The following CCSER2 variants were observed in gnomAD, a reference collection of about 807,000 sequenced individuals.
CCSER2 encodes the protein coiled-coil serine rich protein 2.
In CCSER2, 46 loss-of-function variants were observed where a neutral mutation model predicts 92.3. The observed-to-expected ratio is 0.50, with a 90% CI of 0.39 to 0.64. The LOEUF is 0.64. CCSER2 is among the 30% of genes least tolerant of loss of function. The pLI is 0.00. For missense variants in CCSER2, 1,244 were observed against 1,238.9 expected (o/e 1.00, Z -0.06); for synonymous variants, 433 against 431.4 (o/e 1.00, Z -0.04).
intron 6 of CCSER2, among the ~76,000 whole-genome samples, chr10:84,450,933 A>G (rs1845243846): frequency 6.6e-6 from 1 of 152,216 alleles, no homozygotes; most frequent in Non-Finnish European, 1.5e-5. Flanking sequence ...AGATTGTACA[A>G]AATACAATTT....
At chr10:84,367,461 C>G (rs980722883) in intron 1 of CCSER2, among the ~76,000 whole-genome samples, 1 of 151,866 alleles carries the variant, frequency 6.6e-6, no homozygotes, top group African/African-American at 2.4e-5. Context: ...ACTGCAGCCT[C>G]AACCTCGTGG....
At chr10:84,443,085 G>A (rs1844675758) in intron 6 of CCSER2, among the ~76,000 whole-genome samples, 1 of 152,062 alleles carries the variant, frequency 6.6e-6, no homozygotes, top group Non-Finnish European at 1.5e-5. Flanking sequence ...ACATAGACAT[G>A]GGCAAAGACA....
At chr10:84,352,148 A>C (rs562733441) in intron 1 of CCSER2, among the ~76,000 whole-genome samples, 1 of 152,012 alleles carries the variant, frequency 6.6e-6, no homozygotes, top group Non-Finnish European at 1.5e-5. Flanking sequence ...AAAATATAAA[A>C]AAAAAATTAG....
intron 3 of CCSER2, among the ~76,000 whole-genome samples, chr10:84,410,693 A>T (rs906638971): frequency 2.0e-5 from 3 of 152,020 alleles, no homozygotes; most frequent in African/African-American, 7.2e-5. Context: ...GATTGCAAAA[A>T]TTTTTCTCCC....
At chr10:84,455,500 T>C in intron 6 of CCSER2, 1 of 322,974 alleles carries the variant, frequency 3.1e-6, no homozygotes, top group Non-Finnish European at 5.9e-6. Flanking sequence ...GGTCTCAAAC[T>C]CCTGACCTCA....
chr10:84,509,535 A>T (rs1849241571), intron 9 of CCSER2, among the ~76,000 whole-genome samples: 1 of 152,260 alleles, frequency 6.6e-6, no homozygotes, highest in South Asian at 2.1e-4. Flanking sequence ...ACATTATTGA[A>T]CTTGACGCAT....
intron 3 of CCSER2, among the ~76,000 whole-genome samples, chr10:84,394,385 ATGTGTG>A (rs60891669): frequency 0.052 from 6,944 of 132,594 alleles, 183 homozygotes; most frequent in African/African-American, 0.085. Context: ...AAAGGAAAGT[ATGTGTG>A]TGTGTGTGTG....
At position 84,457,316 on chromosome 10, in the gene CCSER2, AT is replaced by A. The variant is rs1845754210; in HGVS notation, c.2065-6616del. Reference sequence around the variant, plus strand: ...TATTATATATAATATGTTATATATAATATATTATATATAATATATTATATAT... The same window carrying A: ...TATTATATATAATATGTTATATATAAATATTATATATAATATATTATATAT... On this transcript the variant is annotated intron_variant, in intron 6 of 9. Transcript: ENST00000372088. Among the ~76,000 whole-genome samples, 8 of 72,042 alleles carry A rather than the reference AT, an allele frequency of 1.1e-4. 1 individual carries two copies. Among genetic ancestry groups the A allele is most frequent in the South Asian group, 3.6e-4 (1 of 2,770 alleles). The allele number at this position is 72,042 out of a possible 152,430, so 47.3% of individuals were successfully genotyped here.
At chr10:84,389,895 T>C (rs1039612290) in intron 3 of CCSER2, among the ~76,000 whole-genome samples, 5 of 152,136 alleles carry the variant, frequency 3.3e-5, no homozygotes, top group Non-Finnish European at 7.3e-5. Flanking sequence ...GATGTTTTAG[T>C]CTCATCTTTC....
At chr10:84,368,627 C>G (rs1171033566) in intron 1 of CCSER2, among the ~76,000 whole-genome samples, 1 of 152,010 alleles carries the variant, frequency 6.6e-6, no homozygotes, top group Non-Finnish European at 1.5e-5. Context: ...CGAATGTCTT[C>G]TAGCTTTTAT....
At chr10:84,466,942 T>C (rs1448635303) in intron 7 of CCSER2, among the ~76,000 whole-genome samples, 1 of 152,222 alleles carries the variant, frequency 6.6e-6, no homozygotes, top group Non-Finnish European at 1.5e-5. Flanking sequence ...CTTCTGCTGT[T>C]GCTTAAGGAC....
chr10:84,499,785 A>C, intron 9 of CCSER2: 3 of 1,302,472 alleles, frequency 2.3e-6, no homozygotes, highest in Non-Finnish European at 3.3e-6. Flanking sequence ...GCTCTGTGTT[A>C]TTTAAAAGTA....
intron 1 of CCSER2, among the ~76,000 whole-genome samples, chr10:84,355,893 A>G (rs1045226766): frequency 1.3e-5 from 2 of 152,182 alleles, no homozygotes; most frequent in Non-Finnish European, 2.9e-5. Flanking sequence ...ACCTGAGGTC[A>G]GGAGTTTGAG....
intron 3 of CCSER2, among the ~76,000 whole-genome samples, chr10:84,410,546 C>A (rs1308378222): frequency 6.6e-6 from 1 of 152,260 alleles, no homozygotes; most frequent in African/African-American, 2.4e-5. Context: ...TCTTTGTTGG[C>A]TGCATGTATG....
In CCSER2 at chr10:84,434,846, T is replaced by C. The variant is rs114640665; in HGVS notation, c.1869-3666T>C. Among the ~76,000 whole-genome samples the C allele has an allele frequency of 3.0e-3, 462 of 152,298 alleles. 5 individuals carry two copies. Among genetic ancestry groups the C allele is most frequent in the African/African-American group, 0.011 (440 of 41,574 alleles). On this transcript the variant is annotated intron_variant, in intron 5 of 9. Coordinates refer to ENST00000372088, the MANE Select transcript of CCSER2 (RefSeq NM_001284240.2). ...GGATTTGGTAACTTGCCCTGTGTGT[T>C]GTGTGGCTAGTAAGTGGCAGCTGAA...
chr10:84,428,815 G>A (rs987242364), intron 5 of CCSER2, among the ~76,000 whole-genome samples: 1 of 151,876 alleles, frequency 6.6e-6, no homozygotes. Flanking sequence ...ATCATGAAAG[G>A]GTGTTGGATT....
chr10:84,442,853 A>G (rs1285193863), intron 6 of CCSER2, among the ~76,000 whole-genome samples: 1 of 152,218 alleles, frequency 6.6e-6, no homozygotes, highest in Admixed American at 6.5e-5. Flanking sequence ...CACATTTACA[A>G]CCATCTGACC....
intron 9 of CCSER2, among the ~76,000 whole-genome samples, chr10:84,491,149 T>A (rs1848137271): frequency 1.3e-5 from 2 of 152,308 alleles, no homozygotes; most frequent in South Asian, 2.1e-4. Flanking sequence ...AGTCTGCCCC[T>A]ACTGGGGGGT....
chr10:84,347,786 G>A (rs1210868767), intron 1 of CCSER2, among the ~76,000 whole-genome samples: 2 of 151,832 alleles, frequency 1.3e-5, no homozygotes, highest in Middle Eastern at 3.4e-3. Flanking sequence ...CGGGGCGGCT[G>A]GACAGAGACG....
Sources: allele counts gnomAD v4.1 joint callset (sites outside exome capture counted in the v4.1 genomes callset), GRCh38; gene constraint gnomAD v4.1.1; transcripts MANE v1.5; gene names NCBI Gene and HGNC (gene_info 2026-07-23, HGNC 2026-07-21).